Variants in FAM178B observed in about 807,000 individuals in gnomAD.
The protein encoded by FAM178B is protein FAM178B.
A neutral mutation model predicts 91.7 loss-of-function variants in FAM178B; 82 were observed. That is an observed-to-expected ratio of 0.89 (90% confidence interval 0.75 to 1.07). The LOEUF is 1.07. Ranked by LOEUF, FAM178B falls within the 50% of genes least tolerant of loss-of-function variation. FAM178B has a pLI of 0.00. For missense variants in FAM178B, 769 were observed against 846.7 expected (o/e 0.91, Z 1.14); for synonymous variants, 368 against 359.4 (o/e 1.02, Z -0.27).
chr2:96,905,843 TATATATATATATATATA>T (rs1429322014), intron 12 of FAM178B, among the ~76,000 whole-genome samples: 9 of 31,026 alleles, frequency 2.9e-4, no homozygotes, highest in African/African-American at 7.6e-4. Flanking sequence ...TATATATATA[TATATATATATATATATA>T]TTTTTTTTTT....
chr2:96,972,125 G>C lies in FAM178B; in HGVS notation c.340C>G (p.Pro114Ala). 3 of 1,528,630 alleles carry C rather than the reference G, an allele frequency of 2.0e-6. No homozygotes were observed. Among genetic ancestry groups the C allele is most frequent in the Non-Finnish European group, 2.6e-6 (3 of 1,135,914 alleles). The allele number at this position is 1,528,630 out of a possible 1,614,324, so 94.7% of individuals were successfully genotyped here. Residue 114 changes from proline to alanine, a missense_variant, in exon 3 of 17, where the codon CCC (proline) becomes GCC (alanine). Pro to Ala is a conservative substitution (Grantham distance 27). Transcript: ENST00000490605. ...ACCCTCGGGTTGAGGAATTCCACGG[G>C]CGGGGGGCTCCAGTCAGTGGGAAAC... ...ETFPTDWSPPPVEFLNPRVLQ... is the reference protein window; with the variant it reads ...ETFPTDWSPPAVEFLNPRVLQ...
At chr2:96,970,614 T>G in intron 4 of FAM178B, 102 bp downstream of exon 4, 2 of 881,040 alleles carry the variant, frequency 2.3e-6, no homozygotes, top group Non-Finnish European at 3.7e-6. Flanking sequence ...TGAGTCTGGG[T>G]GGGAGGCCGC....
chr2:96,909,702 C>G (rs1230703531), intron 12 of FAM178B, among the ~76,000 whole-genome samples: 1 of 152,148 alleles, frequency 6.6e-6, no homozygotes, highest in African/African-American at 2.4e-5. Flanking sequence ...TCCCATTTCC[C>G]AGATCCTGTT....
chr2:96,921,403 C>A, intron 11 of FAM178B, 75 bp downstream of exon 11: 1 of 1,527,950 alleles, frequency 6.5e-7, no homozygotes. Flanking sequence ...GCCATCCCCA[C>A]CCAGGGCACT....
intron 14 of FAM178B, among the ~76,000 whole-genome samples, chr2:96,888,942 C>A (rs1273935041): frequency 6.6e-6 from 1 of 152,210 alleles, no homozygotes; most frequent in African/African-American, 2.4e-5. Flanking sequence ...AATAAACAAG[C>A]CACACATCCC....
chr2:96,973,537 G>A (rs981485898), intron 1 of FAM178B, among the ~76,000 whole-genome samples: 2 of 152,128 alleles, frequency 1.3e-5, no homozygotes, highest in East Asian at 1.9e-4. Flanking sequence ...CCATTGGATC[G>A]GACCCAGGCT....
rs369630987 is a variant in FAM178B at position 96,894,036 on chromosome 2, G to A, written c.1666C>T (p.Arg556Trp). The change falls in exon 14 of 17, where the codon CGG becomes TGG. Residue 556 changes from arginine (R) to tryptophan (W), a missense_variant. Coordinates refer to ENST00000490605, the MANE Select transcript of FAM178B (RefSeq NM_001122646.3). Reference sequence around the variant, plus strand: ...GATGGCCTCATGAGGCCCAGGAGCCGGCTGAGCGAGGACAGCTGGGGAGGA... The same window carrying A: ...GATGGCCTCATGAGGCCCAGGAGCCAGCTGAGCGAGGACAGCTGGGGAGGA... ...QEKTQLSSLS[R>W]LLGLMRPSSL... 2.2e-5 allele frequency: 35 copies of A among 1,610,256 alleles called. No homozygotes were observed. The highest frequency in any genetic ancestry group is 4.0e-5 in the African/African-American group (3 of 74,818).
At position 96,986,175 on chromosome 2, in the gene FAM178B, G is replaced by A. The variant is rs1030492034; in HGVS notation, c.73+66C>T. On this transcript the variant is annotated intron_variant, in intron 1 of 16. Coordinates refer to ENST00000490605, the MANE Select transcript of FAM178B (RefSeq NM_001122646.3). ...GGCCTGGACCAGCCAGGAGTCCCAG[G>A]GAAGTCGAGTGCTCTCTGAGCGCTA... 3.3e-6 allele frequency: 5 copies of A among 1,530,792 alleles called. No homozygotes were observed. The African/African-American group carries it at 6.9e-5, about 21-fold the overall frequency. The allele number at this position is 1,530,792 out of a possible 1,614,324, so 94.8% of individuals were successfully genotyped here. A position where few individuals can be genotyped will look rare whatever the true frequency, so the allele number is the denominator to read the frequency against.
intron 9 of FAM178B, 84 bp from the exon 10 acceptor site, chr2:96,923,667 G>T: frequency 1.0e-6 from 1 of 975,970 alleles, no homozygotes; most frequent in Non-Finnish European, 1.6e-6. Context: ...GGACACTGCT[G>T]CCCTGAGGCT....
Position 96,972,034 on chromosome 2 carries a change from C to T in FAM178B, c.431G>A (p.Arg144Lys). The T allele has an allele frequency of 6.4e-7, 1 of 1,551,752 alleles. No homozygotes were observed. Among genetic ancestry groups the T allele is most frequent in the Non-Finnish European group, 8.7e-7 (1 of 1,147,418 alleles). Reference protein sequence around the residue: ...WVGVVGPQGLRRLAGELPEEL... With the variant: ...WVGVVGPQGLKRLAGELPEEL... Reference sequence around the variant, plus strand: ...CTCGGGCAGCTCACCAGCCAGTCTCCTCAGGCCCTGGGGGCCCACCACACC... The same window carrying T: ...CTCGGGCAGCTCACCAGCCAGTCTCTTCAGGCCCTGGGGGCCCACCACACC... Residue 144 changes from arginine to lysine, a missense_variant, in exon 3 of 17, where the codon AGG becomes AAG. Transcript: ENST00000490605.
rs1032726141 is a variant in FAM178B, at chr2:96,883,209, A to C, written c.1777-4716T>G. Among the ~76,000 whole-genome samples, 6 of 152,318 alleles carry C rather than the reference A, an allele frequency of 3.9e-5. No homozygotes were observed. In the East Asian group the frequency reaches 7.7e-4, roughly 20 times the overall value. ...TTCTGGTCCAGCTAGTTCTGACCCC[A>C]GGCTCCCCCAGCCAAGACTCCCAAG... On this transcript the variant is annotated intron_variant, in intron 14 of 16. Transcript: ENST00000490605.
intron 7 of FAM178B, among the ~76,000 whole-genome samples, chr2:96,949,745 C>G (rs2081892867): frequency 6.6e-6 from 1 of 152,228 alleles, no homozygotes; most frequent in Non-Finnish European, 1.5e-5. Context: ...TTTTGTCTCT[C>G]CTTCCTGCAG....
At chr2:96,911,554 T>A (rs2081159045) in intron 12 of FAM178B, among the ~76,000 whole-genome samples, 1 of 152,152 alleles carries the variant, frequency 6.6e-6, no homozygotes, top group Admixed American at 6.5e-5. Flanking sequence ...AGGGGGAAAG[T>A]CTGAAAGATT....
At chr2:96,901,564 T>C (rs1339627139) in intron 13 of FAM178B, among the ~76,000 whole-genome samples, 1 of 152,176 alleles carries the variant, frequency 6.6e-6, no homozygotes, top group Admixed American at 6.5e-5. Flanking sequence ...TTTAATTTAA[T>C]AGTATTTGTT....
At chr2:96,963,343 TTGCTTTCATCAAATATAATGCTGCCAAAG>T (rs1239974430) in intron 5 of FAM178B, among the ~76,000 whole-genome samples, 2 of 152,196 alleles carry the variant, frequency 1.3e-5, no homozygotes, top group African/African-American at 4.8e-5. Context: ...AGAGAGAAAG[TTGCTTTCATCAAATATAATGCTGCCAAAG>T]TGCTCTTGCC....
chr2:96,983,288 T>C (rs185029680), intron 1 of FAM178B, among the ~76,000 whole-genome samples: 43 of 152,328 alleles, frequency 2.8e-4, no homozygotes, highest in Middle Eastern at 3.4e-3. Context: ...TACATACATA[T>C]GGTAACCATT....
chr2:96,898,602 C>T (rs1339872372), intron 13 of FAM178B, among the ~76,000 whole-genome samples: 3 of 152,108 alleles, frequency 2.0e-5, no homozygotes, highest in East Asian at 1.9e-4. Flanking sequence ...TGCAGTGAGT[C>T]GTGATCACAC....
At chr2:96,901,852 A>C (rs1279318084) in intron 13 of FAM178B, among the ~76,000 whole-genome samples, 2 of 152,148 alleles carry the variant, frequency 1.3e-5, no homozygotes, top group Non-Finnish European at 2.9e-5. Context: ...AATTTAATTC[A>C]TTTATTTGAA....
intron 6 of FAM178B, among the ~76,000 whole-genome samples, chr2:96,956,421 C>A (rs889893007): frequency 6.6e-6 from 1 of 152,184 alleles, no homozygotes; most frequent in African/African-American, 2.4e-5. Flanking sequence ...CTGGATAGGT[C>A]CAACAGGACA....
Sources: gnomAD v4.1 joint callset for allele counts (sites outside exome capture counted in the v4.1 genomes callset) on GRCh38, gnomAD v4.1.1 for gene constraint, MANE v1.5 for transcripts, NCBI Gene and HGNC (gene_info 2026-07-23, HGNC 2026-07-21) for gene names.